The following CFAP96 variants were observed in gnomAD, a reference collection of about 807,000 sequenced individuals.
CFAP96 encodes cilia and flagella associated protein 96.
chr4:185,431,444 C>T, the CFAP96 span, among the ~76,000 whole-genome samples: 3 of 152,174 alleles, frequency 2.0e-5, no homozygotes, highest in African/African-American at 7.2e-5. Flanking sequence ...AATCTGTTCT[C>T]CTGTTGATGG....
the CFAP96 span, among the ~76,000 whole-genome samples, chr4:185,444,602 C>T: frequency 6.6e-6 from 1 of 151,626 alleles, no homozygotes; most frequent in Non-Finnish European, 1.5e-5. Context: ...TTGTGCCATA[C>T]TCCTTGTTCC....
chr4:185,426,472 G>C, the CFAP96 span: 1 of 152,928 alleles, frequency 6.5e-6, no homozygotes, highest in East Asian at 1.9e-4. Context: ...TCCTCTCTGG[G>C]AAACAGACTC....
chr4:185,442,267 ACT>A, the CFAP96 span, among the ~76,000 whole-genome samples: 6 of 151,892 alleles, frequency 4.0e-5, no homozygotes, highest in Non-Finnish European at 8.8e-5. Context: ...TATAAAATTT[ACT>A]CTTTTTTTGG....
chr4:185,438,073 CCTT>C, the CFAP96 span, among the ~76,000 whole-genome samples: 3 of 151,378 alleles, frequency 2.0e-5, no homozygotes, highest in Non-Finnish European at 4.4e-5. Flanking sequence ...TTTCTTTCAT[CCTT>C]CTTGTGCTTG....
the CFAP96 span, among the ~76,000 whole-genome samples, chr4:185,446,180 A>T: frequency 6.6e-6 from 1 of 152,334 alleles, no homozygotes; most frequent in East Asian, 1.9e-4. Context: ...TAAGTTCTTT[A>T]GAACAATGTA....
At chr4:185,434,399 C>G in the CFAP96 span, among the ~76,000 whole-genome samples, 1 of 151,712 alleles carries the variant, frequency 6.6e-6, no homozygotes. Flanking sequence ...CCTTTTGTCA[C>G]TACTTTCTTT....
the CFAP96 span, chr4:185,429,260 T>G: frequency 2.0e-6 from 1 of 501,120 alleles, no homozygotes; most frequent in Non-Finnish European, 3.5e-6. Context: ...AGACTGAAAG[T>G]AATTAGAACT....
chr4:185,416,565 G>C, the CFAP96 span, among the ~76,000 whole-genome samples: 2 of 152,152 alleles, frequency 1.3e-5, no homozygotes, highest in Non-Finnish European at 2.9e-5. Context: ...AGTGGAACTG[G>C]AGGTATCAAT....
chr4:185,423,900 G>A, the CFAP96 span, among the ~76,000 whole-genome samples: 3 of 152,118 alleles, frequency 2.0e-5, no homozygotes, highest in Non-Finnish European at 2.9e-5. Flanking sequence ...AAAATTTCAT[G>A]AGACTCTCAA....
At chr4:185,429,520 A>G in the CFAP96 span, 4 of 1,480,538 alleles carry the variant, frequency 2.7e-6, no homozygotes, top group Admixed American at 2.2e-5. Flanking sequence ...TCGTAAGTAT[A>G]TTTGCTTTTC....
chr4:185,422,988 A>AT, the CFAP96 span, among the ~76,000 whole-genome samples: 1 of 152,168 alleles, frequency 6.6e-6, no homozygotes, highest in African/African-American at 2.4e-5. Context: ...CCTCCCATGT[A>AT]GCTGAGATTA....
chr4:185,439,431 C>T, the CFAP96 span, among the ~76,000 whole-genome samples: 1 of 152,032 alleles, frequency 6.6e-6, no homozygotes, highest in African/African-American at 2.4e-5. Context: ...CAGCAGGTTC[C>T]TAGTAGCGAA....
At chr4:185,427,244 A>G in the CFAP96 span, among the ~76,000 whole-genome samples, 1 of 152,344 alleles carries the variant, frequency 6.6e-6, no homozygotes, top group South Asian at 2.1e-4. Context: ...TTTGAAATAT[A>G]AGGTAAATGA....
the CFAP96 span, chr4:185,408,455 A>C: frequency 1.9e-6 from 3 of 1,606,296 alleles, no homozygotes; most frequent in Non-Finnish European, 2.6e-6. Flanking sequence ...GAGAAGAAAC[A>C]CAGTAAAATA....
chr4:185,413,785 C>T, the CFAP96 span: 1 of 1,613,546 alleles, frequency 6.2e-7, no homozygotes, highest in Non-Finnish European at 8.5e-7. Context: ...ATGTAACCAT[C>T]TTTGTATGGC....
chr4:185,441,312 C>G, the CFAP96 span, among the ~76,000 whole-genome samples: 1 of 151,616 alleles, frequency 6.6e-6, no homozygotes, highest in Non-Finnish European at 1.5e-5. Context: ...CTTTTTTTTT[C>G]TGTAAATTGC....
At chr4:185,416,066 C>T in the CFAP96 span, 1 of 415,892 alleles carries the variant, frequency 2.4e-6, no homozygotes, top group African/African-American at 2.0e-5. Flanking sequence ...ACTGAGATAA[C>T]TCACTACCCT....
At chr4:185,420,384 T>C in the CFAP96 span, among the ~76,000 whole-genome samples, 1 of 152,200 alleles carries the variant, frequency 6.6e-6, no homozygotes, top group African/African-American at 2.4e-5. Context: ...TATAAGAAGA[T>C]ATAGTCAAAG....
the CFAP96 span, among the ~76,000 whole-genome samples, chr4:185,434,153 A>T: frequency 6.7e-3 from 1,024 of 152,132 alleles, 8 homozygotes; most frequent in African/African-American, 0.023. Flanking sequence ...CGGGAGTTTG[A>T]GGCTGCGGTG....
Sources: gnomAD v4.1 joint callset for allele counts (sites outside exome capture counted in the v4.1 genomes callset) on GRCh38, gnomAD v4.1.1 for gene constraint, MANE v1.5 for transcripts, NCBI Gene and HGNC (gene_info 2026-07-23, HGNC 2026-07-21) for gene names.